The following ABCC12 variants were observed in gnomAD, a reference collection of about 807,000 sequenced individuals.
The protein encoded by ABCC12 is ATP binding cassette subfamily C member 12, also known as ATP-binding cassette sub-family C member 12.
In ABCC12, 142 loss-of-function variants were observed where a neutral mutation model predicts 151.1. The observed-to-expected ratio is 0.94, with a 90% CI of 0.82 to 1.08. ABCC12 has a LOEUF of 1.08. Ranked by LOEUF, ABCC12 falls within the 50% of genes least tolerant of loss-of-function variation. The pLI is 0.00. For missense variants in ABCC12, 1,638 were observed against 1,691.1 expected (o/e 0.97, Z 0.55); for synonymous variants, 645 against 646.4 (o/e 1.00, Z 0.03).
chr16:48,118,617 A>G (rs1963968621), intron 13 of ABCC12, among the ~76,000 whole-genome samples: 1 of 152,236 alleles, frequency 6.6e-6, no homozygotes, highest in Non-Finnish European at 1.5e-5. Context: ...CTCACAACTC[A>G]GACATCAAAA....
Position 48,107,649 on chromosome 16 carries a change from C to T in ABCC12, c.2372-224G>A, listed in dbSNP as rs183387350. On this transcript the variant is annotated intron_variant, in intron 19 of 30. Transcript: ENST00000311303. ...TTGGAAAATGGCTCCAAACAGTGAA[C>T]ATATTGGAAAAACCACCAATGTGCA... Among the ~76,000 whole-genome samples the T allele has an allele frequency of 5.8e-3, 883 of 152,300 alleles. 2 individuals are homozygous for T. The highest frequency in any genetic ancestry group is 8.0e-3 in the Non-Finnish European group (545 of 68,042).
intron 23 of ABCC12, among the ~76,000 whole-genome samples, chr16:48,100,462 T>C (rs984691792): frequency 2.6e-5 from 4 of 151,382 alleles, no homozygotes; most frequent in Admixed American, 2.0e-4. Context: ...GAAATGATTA[T>C]AAATAAGAAG....
chr16:48,134,872 G>A (rs554922495), intron 8 of ABCC12, among the ~76,000 whole-genome samples: 1 of 152,102 alleles, frequency 6.6e-6, no homozygotes, highest in South Asian at 2.1e-4. Context: ...CTAACATGGT[G>A]AAACCCCGTC....
At chr16:48,121,646 C>T (rs1398425947) in intron 13 of ABCC12, 70 bp downstream of exon 13, 1 of 1,581,804 alleles carries the variant, frequency 6.3e-7, no homozygotes, top group African/African-American at 1.3e-5. Context: ...TCATTACCAA[C>T]AGCATCAGCA....
At chr16:48,146,138 G>A (rs552452156) in intron 3 of ABCC12, among the ~76,000 whole-genome samples, 168 bp downstream of exon 3, 5 of 152,218 alleles carry the variant, frequency 3.3e-5, no homozygotes, top group African/African-American at 7.2e-5. Context: ...GACAGGAGGA[G>A]GCAAGGAAGT....
intron 9 of ABCC12, among the ~76,000 whole-genome samples, chr16:48,131,488 T>A (rs1964424883): frequency 6.6e-6 from 1 of 152,136 alleles, no homozygotes; most frequent in Non-Finnish European, 1.5e-5. Flanking sequence ...TGGTCAACTG[T>A]GGTTCCCCCT....
At chr16:48,088,863 C>T (rs1409185349) in intron 25 of ABCC12, 129 bp from the exon 26 acceptor site, 1 of 776,610 alleles carries the variant, frequency 1.3e-6, no homozygotes. Flanking sequence ...CAATAATGAC[C>T]CTTAATTCTA....
At chr16:48,100,576 T>C (rs1963268683) in intron 23 of ABCC12, among the ~76,000 whole-genome samples, 1 of 152,224 alleles carries the variant, frequency 6.6e-6, no homozygotes, top group Non-Finnish European at 1.5e-5. Context: ...GATTTTTTTC[T>C]TCTTTTTTCT....
intron 28 of ABCC12, 117 bp downstream of exon 28, chr16:48,086,624 T>C (rs2150579834): frequency 1.2e-6 from 1 of 858,294 alleles, no homozygotes; most frequent in South Asian, 1.4e-5. Flanking sequence ...ACGTGGTGTC[T>C]ACAAATAAAC....
At chr16:48,138,144 C>T (rs1200399927) in intron 8 of ABCC12, 84 bp downstream of exon 8, 3 of 1,433,712 alleles carry the variant, frequency 2.1e-6, no homozygotes, top group African/African-American at 2.8e-5. Flanking sequence ...TTCTGGAATG[C>T]CTGGCCCTGG....
intron 28 of ABCC12, 27 bp downstream of exon 28, chr16:48,086,714 T>G: frequency 6.3e-7 from 1 of 1,592,844 alleles, no homozygotes; most frequent in Non-Finnish European, 8.6e-7. Flanking sequence ...GGAAACAAAC[T>G]CCTCCTCAAC....
At chr16:48,100,673 C>G (rs1963271561) in intron 23 of ABCC12, among the ~76,000 whole-genome samples, 199 bp downstream of exon 23, 1 of 152,176 alleles carries the variant, frequency 6.6e-6, no homozygotes, top group Non-Finnish European at 1.5e-5. Flanking sequence ...ACAAGCTCCC[C>G]TCATTCACAT....
At chr16:48,145,487 G>A (rs1026570299) in intron 3 of ABCC12, among the ~76,000 whole-genome samples, 9 of 152,224 alleles carry the variant, frequency 5.9e-5, no homozygotes, top group African/African-American at 2.2e-4. Flanking sequence ...TCCTTGGAAT[G>A]TGACCTGGCA....
At chr16:48,124,842 C>A (rs1160446886) in intron 11 of ABCC12, among the ~76,000 whole-genome samples, 1 of 152,214 alleles carries the variant, frequency 6.6e-6, no homozygotes, top group African/African-American at 2.4e-5. Context: ...CCAGCAAGAA[C>A]AGCAATGAAC....
chr16:48,155,502 A>ATGTGTT (rs1255704621), intron 1 of ABCC12, among the ~76,000 whole-genome samples: 2 of 151,940 alleles, frequency 1.3e-5, no homozygotes, highest in African/African-American at 4.8e-5. Flanking sequence ...TACCCTGTAT[A>ATGTGTT]TGTGTTTGTG....
At position 48,081,987 on chromosome 16, in the gene ABCC12, T is replaced by A. The variant is rs1459560697; in HGVS notation, c.*1728A>T. On this transcript the variant is annotated 3_prime_UTR_variant, in exon 31 of 31. Coordinates refer to ENST00000311303, the MANE Select transcript of ABCC12 (RefSeq NM_001393797.1). ...TATTGGGGAAGTTATCTTATGTCCA[T>A]AAAGGTGATGCCCACACTCAGCTGG... is the stretch of plus-strand genomic sequence containing the variant. Among the ~76,000 whole-genome samples the A allele has an allele frequency of 6.6e-6, 1 of 152,124 alleles. No individual in the cohort carries two copies.
In ABCC12 at chr16:48,132,210, C is replaced by CTCT. The variant is rs763473765; in HGVS notation, c.1129-1316_1129-1315insAGA. On this transcript the variant is annotated intron_variant, in intron 9 of 30. Coordinates refer to ENST00000311303, the MANE Select transcript of ABCC12 (RefSeq NM_001393797.1). ...ACAGAGAGCCACAATAATTGGGCAGCGTTACATCCAGCCTTGGTGTATCCT... is the reference window on the plus strand; with the variant it reads ...ACAGAGAGCCACAATAATTGGGCAGCTCTGTTACATCCAGCCTTGGTGTATCCT... Among the ~76,000 whole-genome samples, 6 of 152,308 alleles carry CTCT rather than the reference C, an allele frequency of 3.9e-5. No homozygotes were observed. The East Asian group carries it at 1.2e-3, about 29-fold the overall frequency.
intron 24 of ABCC12, 59 bp downstream of exon 24, chr16:48,096,687 C>A (rs1010230017): frequency 6.4e-7 from 1 of 1,571,530 alleles, no homozygotes; most frequent in East Asian, 2.2e-5. Context: ...AAAGCACCCT[C>A]GCTGATGTAT....
chr16:48,125,268 G>C (rs1254484120), intron 11 of ABCC12, among the ~76,000 whole-genome samples: 1 of 152,202 alleles, frequency 6.6e-6, no homozygotes, highest in Non-Finnish European at 1.5e-5. Flanking sequence ...ACCCTGCAGG[G>C]AAACTGCAGG....
Sources: gnomAD v4.1 joint callset for allele counts (sites outside exome capture counted in the v4.1 genomes callset) on GRCh38, gnomAD v4.1.1 for gene constraint, MANE v1.5 for transcripts, NCBI Gene and HGNC (gene_info 2026-07-23, HGNC 2026-07-21) for gene names.